The following MSRA variants were observed in gnomAD, a reference collection of about 807,000 sequenced individuals.
MSRA encodes methionine sulfoxide reductase A.
In MSRA, 54 loss-of-function variants were observed where a neutral mutation model predicts 31.3. The observed-to-expected ratio is 1.73, with a 90% CI of 1.39 to 2.17. The LOEUF (loss-of-function observed/expected upper bound fraction) is 2.17. Among genes scored for constraint, MSRA ranks in the 30% most tolerant of loss-of-function variants. The probability of loss-of-function intolerance (pLI) is 0.00; values close to 1 mark genes in which losing one functional copy is unlikely to be tolerated. For synonymous variants in MSRA, 169 were observed against 116.5 expected (o/e 1.45, Z -2.90); for missense variants, 507 against 300.9 (o/e 1.69, Z -5.07).
chr8:10,394,770 C>T (rs571410860), intron 5 of MSRA, among the ~76,000 whole-genome samples: 1 of 152,364 alleles, frequency 6.6e-6, no homozygotes, highest in African/African-American at 2.4e-5. Flanking sequence ...TAGCAAGACA[C>T]TAGGAGGCAC....
chr8:10,298,447 G>A (rs1241519942), intron 3 of MSRA, among the ~76,000 whole-genome samples: 1 of 152,164 alleles, frequency 6.6e-6, no homozygotes, highest in Non-Finnish European at 1.5e-5. Flanking sequence ...AAAGTGGAAA[G>A]GGGGTTGCCA....
chr8:10,112,986 C>T (rs1382800186), intron 1 of MSRA, among the ~76,000 whole-genome samples: 2 of 152,118 alleles, frequency 1.3e-5, no homozygotes, highest in African/African-American at 4.8e-5. Flanking sequence ...CCTGCTGGTC[C>T]ATAACAGTGT....
chr8:10,098,902 G>C (rs191118030), intron 1 of MSRA, among the ~76,000 whole-genome samples: 3 of 152,230 alleles, frequency 2.0e-5, no homozygotes, highest in African/African-American at 7.2e-5. Flanking sequence ...TGGCTGCAAC[G>C]TAAACAACAG....
At chr8:10,178,114 G>C (rs976087933) in intron 1 of MSRA, among the ~76,000 whole-genome samples, 1 of 152,134 alleles carries the variant, frequency 6.6e-6, no homozygotes, top group African/African-American at 2.4e-5. Context: ...GATTATATCA[G>C]AGCAAGAAAT....
chr8:10,176,264 T>C (rs934745247), intron 1 of MSRA, among the ~76,000 whole-genome samples: 5 of 152,258 alleles, frequency 3.3e-5, no homozygotes, highest in Non-Finnish European at 7.3e-5. Flanking sequence ...TCCTCAAATC[T>C]GTCCTTTTTA....
At chr8:10,316,686 A>C (rs1472450542) in intron 4 of MSRA, among the ~76,000 whole-genome samples, 2 of 152,206 alleles carry the variant, frequency 1.3e-5, no homozygotes, top group Non-Finnish European at 1.5e-5. Context: ...GTCAGTTAAA[A>C]TGGACAGGAT....
chr8:10,289,614 T>A (rs1053212341), intron 3 of MSRA, among the ~76,000 whole-genome samples: 5 of 152,226 alleles, frequency 3.3e-5, no homozygotes, highest in Non-Finnish European at 5.9e-5. Context: ...GTGCCTTTTC[T>A]CATCCATCGC....
At chr8:10,342,298 C>G (rs1803478199) in intron 5 of MSRA, among the ~76,000 whole-genome samples, 1 of 151,984 alleles carries the variant, frequency 6.6e-6, no homozygotes. Flanking sequence ...TGATATTTAC[C>G]AGATTAAAAA....
At chr8:10,070,810 C>T (rs906316438) in intron 1 of MSRA, among the ~76,000 whole-genome samples, 1 of 152,176 alleles carries the variant, frequency 6.6e-6, no homozygotes, top group Non-Finnish European at 1.5e-5. Flanking sequence ...GAGATTCACC[C>T]CAGTTGGTTA....
intron 3 of MSRA, among the ~76,000 whole-genome samples, chr8:10,291,998 A>T (rs1330003755): frequency 6.6e-6 from 1 of 152,216 alleles, no homozygotes; most frequent in Non-Finnish European, 1.5e-5. Context: ...CATGGAGCTT[A>T]GCAGGCATTT....
At chr8:10,206,530 C>T (rs1292047232) in intron 1 of MSRA, among the ~76,000 whole-genome samples, 2 of 152,194 alleles carry the variant, frequency 1.3e-5, no homozygotes, top group African/African-American at 2.4e-5. Context: ...CAAGATCTTC[C>T]GTGACCTAGT....
intron 2 of MSRA, among the ~76,000 whole-genome samples, chr8:10,231,190 G>A (rs1463783276): frequency 2.6e-5 from 4 of 151,828 alleles, no homozygotes; most frequent in East Asian, 1.9e-4. Flanking sequence ...TGAGGCGGGC[G>A]GACAGGGAGG....
chr8:10,327,013 G>C (rs1375569462), intron 5 of MSRA, among the ~76,000 whole-genome samples: 3 of 152,142 alleles, frequency 2.0e-5, no homozygotes, highest in African/African-American at 7.2e-5. Context: ...CTGGCCATAT[G>C]ACCTGGCTCC....
chr8:10,310,387 C>G (rs1458832247), intron 4 of MSRA, among the ~76,000 whole-genome samples: 1 of 152,228 alleles, frequency 6.6e-6, no homozygotes, highest in African/African-American at 2.4e-5. Context: ...CACACTTTCC[C>G]TTCTATCACA....
intron 1 of MSRA, among the ~76,000 whole-genome samples, 165 bp downstream of exon 1, chr8:10,054,823 A>G (rs1802229503): frequency 6.6e-6 from 1 of 152,090 alleles, no homozygotes; most frequent in African/African-American, 2.4e-5. Context: ...GTGGCCGGGG[A>G]GACGCTGGGG....
At chr8:10,314,380 T>G (rs1020481165) in intron 4 of MSRA, among the ~76,000 whole-genome samples, 20 of 152,148 alleles carry the variant, frequency 1.3e-4, no homozygotes, top group African/African-American at 4.8e-4. Flanking sequence ...ACTTGAATTG[T>G]GGCAAAGAAA....
intron 1 of MSRA, among the ~76,000 whole-genome samples, chr8:10,112,980 C>T (rs1563109337): frequency 6.6e-6 from 1 of 152,274 alleles, no homozygotes; most frequent in East Asian, 1.9e-4. Flanking sequence ...CTTACCCCTG[C>T]TGGTCCATAA....
chr8:10,235,195 T>C (rs1383000519), intron 2 of MSRA, among the ~76,000 whole-genome samples: 1 of 152,074 alleles, frequency 6.6e-6, no homozygotes, highest in Non-Finnish European at 1.5e-5. Context: ...TCTGAACAAA[T>C]TTCAAAATAA....
chr8:10,343,604 G>T (rs10903325), intron 5 of MSRA, among the ~76,000 whole-genome samples: 26,457 of 152,128 alleles, frequency 0.17, 3,125 homozygotes, highest in Non-Finnish European at 0.26. Context: ...CTTAGTGAGG[G>T]TAGGTAACCC....
Sources: allele counts gnomAD v4.1 joint callset (sites outside exome capture counted in the v4.1 genomes callset), GRCh38; gene constraint gnomAD v4.1.1; transcripts MANE v1.5; gene names NCBI Gene and HGNC (gene_info 2026-07-23, HGNC 2026-07-21).